FNTA: variants seen among roughly 807,000 people sequenced by gnomAD.
FNTA encodes the protein protein farnesyltransferase/geranylgeranyltransferase type-1 subunit alpha.
In FNTA, 27 loss-of-function variants were observed where a neutral mutation model predicts 55.2. That is an observed-to-expected ratio of 0.49 (90% CI 0.36 to 0.67). The LOEUF (loss-of-function observed/expected upper bound fraction) is 0.67, where lower values mean the gene tolerates loss of function less well. FNTA is among the 30% of genes least tolerant of loss of function. The pLI, the probability that FNTA is intolerant of heterozygous loss-of-function variation, is 0.00. For missense variants in FNTA, 422 were observed against 464.7 expected (o/e 0.91, Z 0.85); for synonymous variants, 176 against 170.7 (o/e 1.03, Z -0.24).
At position 43,077,289 on chromosome 8, in the gene FNTA, T is replaced by C. The variant is rs1232187269; in HGVS notation, c.707T>C (p.Val236Ala). The C allele has an allele frequency of 1.9e-6, 3 of 1,612,642 alleles. No individual in the cohort carries two copies. The highest frequency in any genetic ancestry group is 2.5e-6 in the Non-Finnish European group (3 of 1,179,106). The change falls in exon 6 of 9, where the codon GTC becomes GCC. Residue 236 changes from valine (V) to alanine (A), a missense_variant. Transcript: ENST00000302279. ...AAAGAGGATGTGAGAAATAACTCTGTCTGGAACCAAAGATACTTCGTTATT... is the reference window on the plus strand; with the variant it reads ...AAAGAGGATGTGAGAAATAACTCTGCCTGGAACCAAAGATACTTCGTTATT... ...LLKEDVRNNSVWNQRYFVISN... is the reference protein window; with the variant it reads ...LLKEDVRNNSAWNQRYFVISN...
chr8:43,080,536 G>A (rs1055770364), intron 6 of FNTA: 5 of 152,202 alleles, frequency 3.3e-5, no homozygotes, highest in South Asian at 2.1e-4. Flanking sequence ...AAGAAAAGTC[G>A]TGTGACTTGC....
intron 3 of FNTA, among the ~76,000 whole-genome samples, chr8:43,067,485 C>G (rs759042120): frequency 3.9e-5 from 6 of 151,956 alleles, no homozygotes; most frequent in Non-Finnish European, 7.4e-5. Context: ...CTTAATCTAC[C>G]CTGTTTAACT....
Position 43,085,266 on chromosome 8 carries a change from C to A in FNTA, c.1124C>A (p.Thr375Lys). ...CACAGCACAGAAAATGACTCACCAA[C>A]AAATGTACAGCAATAACACCATCCA... ...SKHSTENDSP[T>K]NVQQ Residue 375 changes from threonine to lysine, a missense_variant, in exon 9 of 9, where the codon ACA becomes AAA. Physicochemically the swap from Thr to Lys is moderately conservative, Grantham distance 78 (BLOSUM62 -1). Transcript: ENST00000302279. 6.2e-7 allele frequency: 1 copy of A among 1,607,552 alleles called. No homozygotes were observed. The highest frequency in any genetic ancestry group is 8.5e-7 in the Non-Finnish European group (1 of 1,178,852).
chr8:43,057,044 A>G (rs1346133892), intron 1 of FNTA: 4 of 152,090 alleles, frequency 2.6e-5, no homozygotes, highest in African/African-American at 7.2e-5. Context: ...TTTTCATCCA[A>G]TCTGTATTTT....
rs1810406048 is a variant in FNTA, at chr8:43,056,552, G to A, written c.200+6G>A. ...CCCTCCTATGTCCTGTACAGGTAAC[G>A]CCCCCGCGGCGGCCGCGGCTCGGGA... On this transcript the variant is annotated splice_donor_region_variant and intron_variant, in intron 1 of 8. Transcript: ENST00000302279. 5 of 1,421,710 alleles carry A rather than the reference G, an allele frequency of 3.5e-6. No homozygotes were observed. The highest frequency in any genetic ancestry group is 2.7e-5 in the Admixed American group (1 of 37,188). 88.1% of individuals were successfully genotyped at this position (1,421,710 alleles called of 1,614,324 possible).
chr8:43,083,358 C>T (rs970719960), intron 7 of FNTA, among the ~76,000 whole-genome samples, 178 bp downstream of exon 7: 3 of 152,138 alleles, frequency 2.0e-5, no homozygotes, highest in Non-Finnish European at 4.4e-5. Context: ...CCCTTCTATG[C>T]ACCTCCCAAG....
At chr8:43,058,454 T>A (rs1032285334) in intron 1 of FNTA, among the ~76,000 whole-genome samples, 3 of 152,174 alleles carry the variant, frequency 2.0e-5, no homozygotes, top group Admixed American at 2.0e-4. Context: ...ACTAGACCAA[T>A]GAGTTAGATT....
rs1037334316 is a variant in FNTA, at chr8:43,066,798, G to C, written c.401+2583G>C. Among the ~76,000 whole-genome samples, 12 of 152,186 alleles carry C rather than the reference G, an allele frequency of 7.9e-5. No homozygotes were observed. The South Asian group carries it at 1.4e-3, about 18-fold the overall frequency. On this transcript the variant is annotated intron_variant, in intron 3 of 8. Coordinates refer to ENST00000302279, the MANE Select transcript of FNTA (RefSeq NM_002027.3). ...AAGGGCTTCGCTGTGAAGTTACTGA[G>C]TGGGGATGTGGCTGTGTTGTAGTGA...
intron 4 of FNTA, among the ~76,000 whole-genome samples, chr8:43,071,355 A>C (rs1475995598): frequency 1.3e-5 from 2 of 152,072 alleles, no homozygotes; most frequent in African/African-American, 4.8e-5. Context: ...CCCAATATAA[A>C]ATCCTTAAGT....
intron 3 of FNTA, among the ~76,000 whole-genome samples, chr8:43,068,433 C>T (rs1170396930): frequency 2.0e-5 from 3 of 152,150 alleles, no homozygotes; most frequent in African/African-American, 7.2e-5. Flanking sequence ...TAAAACTCCA[C>T]CTATGGGGAA....
Position 43,085,263 on chromosome 8 carries a change from C to T in FNTA, c.1121C>T (p.Pro374Leu). ...AAACACAGCACAGAAAATGACTCAC[C>T]AACAAATGTACAGCAATAACACCAT... is the stretch of plus-strand genomic sequence containing the variant. ...QSKHSTENDSPTNVQQ is the reference protein window; with the variant it reads ...QSKHSTENDSLTNVQQ The change falls in exon 9 of 9, where the codon CCA (proline) becomes CTA (leucine). Residue 374 changes from proline (P) to leucine (L), a missense_variant. Physicochemically the swap from Pro to Leu is moderately conservative, Grantham distance 98. Around this residue, in one of 2 missense-constraint regions of FNTA, gnomAD observed 262 missense variants for 343.1 expected, o/e 0.76. Coordinates refer to ENST00000302279, the MANE Select transcript of FNTA (RefSeq NM_002027.3). 1.9e-6 allele frequency: 3 copies of T among 1,606,996 alleles called. No homozygotes were observed. Among genetic ancestry groups the T allele is most frequent in the Admixed American group, 1.7e-5 (1 of 58,332 alleles).
intron 1 of FNTA, 87 bp downstream of exon 1, chr8:43,056,633 C>G (rs1295885694): frequency 7.7e-6 from 7 of 909,338 alleles, no homozygotes; most frequent in Non-Finnish European, 1.0e-5. Context: ...CCGGCCCCGG[C>G]GCGCCAGGCC....
At chr8:43,065,890 T>G (rs1199072999) in intron 3 of FNTA, among the ~76,000 whole-genome samples, 1 of 151,562 alleles carries the variant, frequency 6.6e-6, no homozygotes, top group Non-Finnish European at 1.5e-5. Context: ...CCTTCAACTT[T>G]AGTAATAAAA....
In FNTA at chr8:43,072,307, G is replaced by T; in HGVS notation, c.633G>T (p.Gln211His). The change falls in exon 5 of 9, where the codon CAG (glutamine) becomes CAT (histidine). Residue 211 changes from glutamine (Q) to histidine (H), a missense_variant and splice_region_variant. Gln to His is a conservative substitution (Grantham distance 24). Around this residue, in one of 2 missense-constraint regions of FNTA, gnomAD observed 262 missense variants for 343.1 expected, o/e 0.76. Coordinates refer to ENST00000302279, the MANE Select transcript of FNTA (RefSeq NM_002027.3). ...HAWQHRQWVI[Q>H]EFKLWDNELQ... Reference sequence around the variant, plus strand: ...GGCAGCATCGACAATGGGTTATTCAGGTATTGCCTTTCTTGTACAGTGTTT... The same window carrying T: ...GGCAGCATCGACAATGGGTTATTCATGTATTGCCTTTCTTGTACAGTGTTT... 1 of 1,558,960 alleles carries T rather than the reference G, an allele frequency of 6.4e-7. No individual in the cohort carries two copies. Among genetic ancestry groups the T allele is most frequent in the Non-Finnish European group, 8.7e-7 (1 of 1,153,722 alleles).
At chr8:43,070,350 T>A (rs999647035) in intron 4 of FNTA, 78 of 152,104 alleles carry the variant, frequency 5.1e-4, no homozygotes, top group African/African-American at 1.8e-3. Flanking sequence ...AACTAAAAAC[T>A]TTACCATTGT....
chr8:43,064,602 A>T (rs1810611639), intron 3 of FNTA, among the ~76,000 whole-genome samples: 1 of 152,178 alleles, frequency 6.6e-6, no homozygotes, highest in Non-Finnish European at 1.5e-5. Context: ...GGTGTGAGCC[A>T]CTGTGCCTGG....
chr8:43,068,585 G>A (rs1384338612), intron 3 of FNTA, among the ~76,000 whole-genome samples: 2 of 149,458 alleles, frequency 1.3e-5, no homozygotes, highest in African/African-American at 2.5e-5. Context: ...GGAAAGAGAT[G>A]TCTTTGATTT....
In FNTA at chr8:43,076,244, A is replaced by G. The variant is rs372406959; in HGVS notation, c.634-972A>G. On this transcript the variant is annotated intron_variant, in intron 5 of 8. Coordinates refer to ENST00000302279, the MANE Select transcript of FNTA (RefSeq NM_002027.3). ...TTTTTAGTAGAGATGGGGTTTAGCCATGTTGGCCAGGTTGGTCTCAAACTC... is the reference window on the plus strand; with the variant it reads ...TTTTTAGTAGAGATGGGGTTTAGCCGTGTTGGCCAGGTTGGTCTCAAACTC... 2.6e-4 allele frequency among the ~76,000 whole-genome samples: 39 copies of G among 152,092 alleles called. No homozygotes were observed. In the East Asian group the frequency reaches 6.0e-3, roughly 24 times the overall value.
chr8:43,078,698 TC>T (rs1482527905), intron 6 of FNTA: 1 of 152,230 alleles, frequency 6.6e-6, no homozygotes, highest in Non-Finnish European at 1.5e-5. Flanking sequence ...CCCTACAGTG[TC>T]CTCTGAGTGT....
Sources: gnomAD v4.1 joint callset for allele counts (sites outside exome capture counted in the v4.1 genomes callset) on GRCh38, gnomAD v4.1.1 for gene constraint, gnomAD v4.1.1 regional missense constraint, MANE v1.5 for transcripts, NCBI Gene and HGNC (gene_info 2026-07-23, HGNC 2026-07-21) for gene names.